FBXW7: variants seen among roughly 807,000 people sequenced by gnomAD.
FBXW7 encodes the protein F-box and WD repeat domain containing 7.
Under a neutral mutation model 86.3 loss-of-function variants are expected in FBXW7, and 11 were observed. That is an observed-to-expected ratio of 0.13 (90% CI 0.08 to 0.21). FBXW7 has a LOEUF of 0.21. FBXW7 is among the 10% of genes least tolerant of loss of function. The probability of loss-of-function intolerance (pLI) is 1.00; values close to 1 mark genes in which losing one functional copy is unlikely to be tolerated. For missense variants in FBXW7, 488 were observed against 847.4 expected, an observed-to-expected ratio of 0.58 and a Z score of 5.27; for synonymous variants, 313 against 297.9, an observed-to-expected ratio of 1.05 and a Z score of -0.52.
At chr4:152,325,370 T>C (rs1337915959) in intron 12 of FBXW7, 1 of 152,246 alleles carries the variant, frequency 6.6e-6, no homozygotes, top group East Asian at 1.9e-4. Context: ...TATTTTTACA[T>C]TAAAAATGTT....
intron 2 of FBXW7, among the ~76,000 whole-genome samples, chr4:152,479,890 C>T (rs1321993675): frequency 6.6e-6 from 1 of 152,158 alleles, no homozygotes; most frequent in Non-Finnish European, 1.5e-5. Context: ...AAGGTTTTGG[C>T]ATCCATTGAT....
At chr4:152,466,032 G>T (rs1321330223) in intron 2 of FBXW7, among the ~76,000 whole-genome samples, 1 of 152,018 alleles carries the variant, frequency 6.6e-6, no homozygotes, top group Non-Finnish European at 1.5e-5. Context: ...TGAAAGGTAA[G>T]AATAGTCAAT....
chr4:152,525,094 T>C (rs997486916), intron 2 of FBXW7, among the ~76,000 whole-genome samples: 8 of 152,164 alleles, frequency 5.3e-5, no homozygotes, highest in Admixed American at 2.6e-4. Flanking sequence ...AACTATGAAA[T>C]GTAAAGATCC....
intron 2 of FBXW7, among the ~76,000 whole-genome samples, chr4:152,517,207 T>G (rs763626726): frequency 2.0e-4 from 30 of 151,984 alleles, no homozygotes; most frequent in Non-Finnish European, 3.7e-4. Context: ...GTAAATAAAG[T>G]TGGAGGGGTG....
chr4:152,376,694 G>GTTTT (rs544213670), intron 4 of FBXW7, among the ~76,000 whole-genome samples: 1 of 150,594 alleles, frequency 6.6e-6, no homozygotes, highest in African/African-American at 2.4e-5. Flanking sequence ...GAGGTGCTGT[G>GTTTT]TTTTTTTTTG....
At chr4:152,333,150 C>A (rs1421840188) in intron 7 of FBXW7, among the ~76,000 whole-genome samples, 1 of 152,196 alleles carries the variant, frequency 6.6e-6, no homozygotes. Flanking sequence ...TGGTATGACT[C>A]CAGATCATTT....
At position 152,357,725 on chromosome 4, in the gene FBXW7, G is replaced by A. The variant is rs565407381; in HGVS notation, c.502-7601C>T. Reference sequence around the variant, plus strand: ...ATCAACTGCAGTATTAGTTCCAACAGTGTAAGTTTTTTCATTCCTTCAGAT... The same window carrying A: ...ATCAACTGCAGTATTAGTTCCAACAATGTAAGTTTTTTCATTCCTTCAGAT... On this transcript the variant is annotated intron_variant, in intron 4 of 13. Transcript: ENST00000281708. Among the ~76,000 whole-genome samples the A allele has an allele frequency of 4.6e-5, 7 of 152,236 alleles. No individual in the cohort carries two copies. In the East Asian group the frequency reaches 1.3e-3, roughly 29 times the overall value.
At chr4:152,445,468 G>A (rs1289457705) in intron 2 of FBXW7, among the ~76,000 whole-genome samples, 3 of 152,310 alleles carry the variant, frequency 2.0e-5, no homozygotes, top group South Asian at 4.1e-4. Flanking sequence ...TGAGCAGCAG[G>A]CTGATGCCTA....
intron 4 of FBXW7, among the ~76,000 whole-genome samples, chr4:152,401,935 G>C (rs998072221): frequency 2.3e-4 from 35 of 152,242 alleles, no homozygotes; most frequent in African/African-American, 8.4e-4. Flanking sequence ...CAAAGACAAG[G>C]TTTCCTTGTA....
intron 2 of FBXW7, among the ~76,000 whole-genome samples, chr4:152,480,263 C>G (rs1744760085): frequency 6.6e-6 from 1 of 152,124 alleles, no homozygotes; most frequent in South Asian, 2.1e-4. Context: ...TTATGGTGAT[C>G]TGTGATCTTT....
At chr4:152,389,212 GA>G (rs1735790381) in intron 4 of FBXW7, among the ~76,000 whole-genome samples, 1 of 152,022 alleles carries the variant, frequency 6.6e-6, no homozygotes, top group South Asian at 2.1e-4. Flanking sequence ...AATCTCTATG[GA>G]AAACATTATG....
intron 13 of FBXW7, chr4:152,323,882 T>C: frequency 4.3e-6 from 1 of 231,004 alleles, no homozygotes; most frequent in Non-Finnish European, 8.5e-6. Flanking sequence ...AAAAATATAA[T>C]GAGTACGTTG....
rs117930492 is a variant in FBXW7 at position 152,456,821 on chromosome 4, T to C, written c.-119-44292A>G. Among the ~76,000 whole-genome samples, 1,015 of 152,294 alleles carry C rather than the reference T, an allele frequency of 6.7e-3. 35 individuals are homozygous for C. The highest frequency in any genetic ancestry group is 0.03 in the East Asian group (157 of 5,184). The stretch of plus-strand genomic sequence containing the variant: ...ACCGGAAAAGTTTGGCAGTGTCTTA[T>C]ACAGGTAAACATACACCTACTATAT... On this transcript the variant is annotated intron_variant, in intron 2 of 13. Coordinates refer to ENST00000281708, the MANE Select transcript of FBXW7 (RefSeq NM_001349798.2).
At chr4:152,376,728 T>C (rs769330836) in intron 4 of FBXW7, among the ~76,000 whole-genome samples, 14 of 152,102 alleles carry the variant, frequency 9.2e-5, no homozygotes, top group Non-Finnish European at 1.5e-4. Context: ...AAAGTACTAA[T>C]TGATTAACTG....
At chr4:152,371,170 TGTTA>T (rs1456228576) in intron 4 of FBXW7, among the ~76,000 whole-genome samples, 1 of 151,970 alleles carries the variant, frequency 6.6e-6, no homozygotes, top group Non-Finnish European at 1.5e-5. Flanking sequence ...TTATATCTAC[TGTTA>T]TTTATACCAA....
At chr4:152,533,837 T>C (rs891864072) in intron 2 of FBXW7, among the ~76,000 whole-genome samples, 1 of 152,220 alleles carries the variant, frequency 6.6e-6, no homozygotes, top group Non-Finnish European at 1.5e-5. Context: ...TAAATTAATC[T>C]AATCAAGATC....
intron 4 of FBXW7, among the ~76,000 whole-genome samples, chr4:152,400,669 C>A (rs1348860872): frequency 1.3e-5 from 2 of 152,038 alleles, no homozygotes; most frequent in African/African-American, 2.4e-5. Context: ...TTAGATACAA[C>A]AATACAATAC....
intron 4 of FBXW7, chr4:152,382,399 C>CT: frequency 7.4e-7 from 1 of 1,345,882 alleles, no homozygotes; most frequent in Admixed American, 3.0e-5. Flanking sequence ...ACTAAAAGCT[C>CT]TAACCACTAA....
chr4:152,474,501 C>T (rs1744225723), intron 2 of FBXW7, among the ~76,000 whole-genome samples: 1 of 152,156 alleles, frequency 6.6e-6, no homozygotes, highest in African/African-American at 2.4e-5. Flanking sequence ...TTTGAATGAT[C>T]TAGGACAAAG....
Sources: gnomAD v4.1 joint callset for allele counts (sites outside exome capture counted in the v4.1 genomes callset) on GRCh38, gnomAD v4.1.1 for gene constraint, MANE v1.5 for transcripts, NCBI Gene and HGNC (gene_info 2026-07-23, HGNC 2026-07-21) for gene names.